Variants in UTRN observed in about 807,000 individuals in gnomAD.
The protein encoded by UTRN is utrophin, also known as dystrophin-related protein 1.
UTRN carries 283 observed loss-of-function variants against 463.9 expected under a neutral mutation model. The observed-to-expected ratio is 0.61, with a 90% CI of 0.55 to 0.67. The LOEUF (loss-of-function observed/expected upper bound fraction) is 0.67, where lower values mean the gene tolerates loss of function less well. Among genes scored for constraint, UTRN ranks in the 30% least tolerant of loss-of-function variants. The probability of loss-of-function intolerance (pLI) is 0.00; values close to 1 mark genes in which losing one functional copy is unlikely to be tolerated. For missense variants in UTRN, 3,922 were observed against 4,084.3 expected, an observed-to-expected ratio of 0.96 and a Z score of 1.08; for synonymous variants, 1,442 against 1,431.5, an observed-to-expected ratio of 1.01 and a Z score of -0.17.
intron 65 of UTRN, among the ~76,000 whole-genome samples, chr6:144,819,858 C>CCCCTTCTG (rs1287940629): frequency 6.8e-6 from 1 of 147,982 alleles, no homozygotes; most frequent in African/African-American, 2.6e-5. Context: ...CTCTCCTTCT[C>CCCCTTCTG]CCCTTCTCCT....
At chr6:144,834,000 G>A (rs766855746) in intron 69 of UTRN, among the ~76,000 whole-genome samples, 16 of 152,178 alleles carry the variant, frequency 1.1e-4, no homozygotes, top group East Asian at 1.9e-4. Flanking sequence ...TCTTCTTCTC[G>A]TCCTTCTAAA....
intron 59 of UTRN, among the ~76,000 whole-genome samples, chr6:144,772,261 T>C (rs1015311746): frequency 6.6e-6 from 1 of 152,000 alleles, no homozygotes; most frequent in Admixed American, 6.6e-5. Flanking sequence ...CTCGAACTCC[T>C]GAGCTCAGGC....
intron 34 of UTRN, among the ~76,000 whole-genome samples, chr6:144,508,098 C>G (rs946670740): frequency 6.6e-6 from 1 of 152,174 alleles, no homozygotes; most frequent in Non-Finnish European, 1.5e-5. Flanking sequence ...CCACCAAGCT[C>G]CAGCATTCCA....
rs118073268 is a variant in UTRN at position 144,612,640 on chromosome 6, A to G, written c.7479+35352A>G. On this transcript the variant is annotated intron_variant, in intron 51 of 74. Transcript: ENST00000367545. ...AATTACTTGGGAAATGCAAAGCAAA[A>G]CCACAATGAGATATTACCTCACCCC... Among the ~76,000 whole-genome samples the G allele has an allele frequency of 4.7e-3, 719 of 152,254 alleles. 6 individuals are homozygous for G. Among genetic ancestry groups the G allele is most frequent in the Middle Eastern group, 0.01 (3 of 294 alleles).
intron 18 of UTRN, 70 bp from the exon 19 acceptor site, chr6:144,453,712 A>G: frequency 7.3e-7 from 1 of 1,367,194 alleles, no homozygotes. Context: ...TTCAACTTAA[A>G]CATTTAAAAC....
At chr6:144,382,055 G>A (rs1156872727) in intron 2 of UTRN, among the ~76,000 whole-genome samples, 1 of 152,088 alleles carries the variant, frequency 6.6e-6, no homozygotes, top group Non-Finnish European at 1.5e-5. Context: ...ATTCTGACTG[G>A]TGTGAAATTT....
intron 41 of UTRN, among the ~76,000 whole-genome samples, chr6:144,524,713 C>G (rs1281613908): frequency 3.3e-5 from 5 of 152,216 alleles, no homozygotes; most frequent in African/African-American, 1.2e-4. Flanking sequence ...CTGTCTAGGA[C>G]TTCCGGTACT....
In UTRN at chr6:144,447,202, T is replaced by A. The variant is rs1412696277; in HGVS notation, c.1615-9T>A. The A allele has an allele frequency of 5.0e-6, 8 of 1,611,800 alleles. No individual in the cohort carries two copies. Among genetic ancestry groups the A allele is most frequent in the Non-Finnish European group, 5.9e-6 (7 of 1,178,920 alleles). ...GCAGATAAAGTTCAACTTTTGTTAT[T>A]ACTTGTAGTGCTTGTTGAAAGCTTG... On this transcript the variant is annotated splice_polypyrimidine_tract_variant and intron_variant, in intron 14 of 74. Transcript: ENST00000367545.
At chr6:144,775,607 A>G (rs1775257058) in intron 60 of UTRN, among the ~76,000 whole-genome samples, 1 of 152,216 alleles carries the variant, frequency 6.6e-6, no homozygotes, top group Non-Finnish European at 1.5e-5. Context: ...TGGTCTGCGC[A>G]GGAGTCCATG....
intron 51 of UTRN, among the ~76,000 whole-genome samples, chr6:144,602,945 A>C (rs1286171729): frequency 6.6e-6 from 1 of 152,188 alleles, no homozygotes; most frequent in East Asian, 1.9e-4. Context: ...CTGGGAAACC[A>C]AAAAAATTGT....
At position 144,490,119 on chromosome 6, in the gene UTRN, A is replaced by G. The variant is rs774684328; in HGVS notation, c.4183A>G (p.Arg1395Gly). 6.8e-6 allele frequency: 11 copies of G among 1,613,802 alleles called. No homozygotes were observed. Among genetic ancestry groups the G allele is most frequent in the Non-Finnish European group, 8.5e-6 (10 of 1,179,868 alleles). Reference sequence around the variant, plus strand: ...CCATGAGCTAACCCTAGAGGAGTTGAGAAGAAATATGCGTTCTCAGCCCCT... The same window carrying G: ...CCATGAGCTAACCCTAGAGGAGTTGGGAAGAAATATGCGTTCTCAGCCCCT... Reference protein sequence around the residue: ...SAHELTLEELRRNMRSQPLTS... With the variant: ...SAHELTLEELGRNMRSQPLTS... The change falls in exon 31 of 75, where the codon AGA becomes GGA. Residue 1395 changes from arginine (R) to glycine (G), a missense_variant. Arg to Gly is a moderately radical substitution (Grantham distance 125). Around this residue, in one of 3 missense-constraint regions of UTRN, gnomAD observed 2,349 missense variants for 2,303.8 expected, o/e 1.02. Transcript: ENST00000367545.
intron 51 of UTRN, among the ~76,000 whole-genome samples, chr6:144,654,610 TA>T (rs1193901313): frequency 1.3e-5 from 2 of 152,246 alleles, no homozygotes; most frequent in African/African-American, 4.8e-5. Context: ...TGAAAACCTT[TA>T]AGAGCCTTTT....
intron 27 of UTRN, among the ~76,000 whole-genome samples, chr6:144,483,729 A>G (rs1792130799): frequency 1.3e-5 from 2 of 152,202 alleles, no homozygotes; most frequent in Admixed American, 6.5e-5. Flanking sequence ...GATTAAAGGC[A>G]TTAGCCACTG....
intron 34 of UTRN, among the ~76,000 whole-genome samples, chr6:144,501,464 A>T (rs927927216): frequency 2.6e-5 from 4 of 152,172 alleles, no homozygotes; most frequent in Non-Finnish European, 5.9e-5. Flanking sequence ...TTTTTTGAGC[A>T]CATTTCGATG....
Position 144,554,618 on chromosome 6 carries a change from T to C in UTRN, c.6929-70T>C, listed in dbSNP as rs953623103. The C allele has an allele frequency of 2.0e-6, 3 of 1,505,550 alleles. No individual in the cohort carries two copies. The African/African-American group carries it at 4.2e-5, about 21-fold the overall frequency. 93.3% of individuals were successfully genotyped at this position (1,505,550 alleles called of 1,614,324 possible). Reference sequence around the variant, plus strand: ...AGACTTATTTGTGATACATTTGATATATGATATTTTTTCTTTCTCCTGAGG... The same window carrying C: ...AGACTTATTTGTGATACATTTGATACATGATATTTTTTCTTTCTCCTGAGG... On this transcript the variant is annotated intron_variant, in intron 48 of 74. Transcript: ENST00000367545.
intron 61 of UTRN, among the ~76,000 whole-genome samples, chr6:144,788,622 T>C (rs1434238221): frequency 6.6e-6 from 1 of 151,032 alleles, no homozygotes; most frequent in Non-Finnish European, 1.5e-5. Context: ...TGGAGTGCAA[T>C]GGCACGATCT....
chr6:144,646,721 A>G (rs1337531717), intron 51 of UTRN, among the ~76,000 whole-genome samples: 1 of 152,174 alleles, frequency 6.6e-6, no homozygotes, highest in Non-Finnish European at 1.5e-5. Flanking sequence ...GCGGCTTTTA[A>G]TTTGACAAAA....
Position 144,429,662 on chromosome 6 carries a change from C to A in UTRN, c.776C>A (p.Thr259Asn), listed in dbSNP as rs771570427. 2 of 1,612,854 alleles carry A rather than the reference C, an allele frequency of 1.2e-6. No homozygotes were observed. The highest frequency in any genetic ancestry group is 1.7e-6 in the Non-Finnish European group (2 of 1,179,380). Residue 259 changes from threonine (T) to asparagine (N), a missense_variant, in exon 9 of 75, where the codon ACC (threonine) becomes AAC (asparagine). Transcript: ENST00000367545. The part of the protein sequence containing the change: ...SLFEVLPQQV[T>N]IDAIREVETL... ...TTTGAGGTGCTACCTCAGCAAGTCACCATAGACGCCATCCGTGAGGTAGAG... is the reference window on the plus strand; with the variant it reads ...TTTGAGGTGCTACCTCAGCAAGTCAACATAGACGCCATCCGTGAGGTAGAG...
intron 17 of UTRN, 48 bp downstream of exon 17, chr6:144,448,817 T>C (rs1266851573): frequency 1.1e-5 from 17 of 1,581,722 alleles, no homozygotes; most frequent in Non-Finnish European, 1.4e-5. Flanking sequence ...GCACATACTA[T>C]ATTTTCTACT....
Sources: gnomAD v4.1 joint callset for allele counts (sites outside exome capture counted in the v4.1 genomes callset) on GRCh38, gnomAD v4.1.1 for gene constraint, gnomAD v4.1.1 regional missense constraint, MANE v1.5 for transcripts, NCBI Gene and HGNC (gene_info 2026-07-23, HGNC 2026-07-21) for gene names.